Variants in NRXN3 observed in about 807,000 individuals in gnomAD.
The protein encoded by NRXN3 is neurexin III.
NRXN3 carries 32 observed loss-of-function variants against 137.6 expected under a neutral mutation model. That is an observed-to-expected ratio of 0.23 (90% CI 0.18 to 0.31). The LOEUF (loss-of-function observed/expected upper bound fraction) is 0.31, where lower values mean the gene tolerates loss of function less well. NRXN3 is among the 10% of genes least tolerant of loss of function. The pLI is 1.00. For synonymous variants in NRXN3, 798 were observed against 784.5 expected (o/e 1.02, Z -0.29); for missense variants, 1,574 against 2,062.5 (o/e 0.76, Z 4.59).
At chr14:78,756,356 C>A (rs2098668257) in intron 8 of NRXN3, among the ~76,000 whole-genome samples, 1 of 151,816 alleles carries the variant, frequency 6.6e-6, no homozygotes, top group Admixed American at 6.6e-5. Context: ...GGCATGGTGG[C>A]ATGCACCTGT....
intron 4 of NRXN3, among the ~76,000 whole-genome samples, chr14:78,560,371 A>T (rs1208338067): frequency 6.6e-6 from 1 of 152,224 alleles, no homozygotes; most frequent in Non-Finnish European, 1.5e-5. Flanking sequence ...AAATTTCCAG[A>T]ACTACAAACA....
intron 15 of NRXN3, among the ~76,000 whole-genome samples, chr14:79,071,253 C>CT (rs2099687304): frequency 1.3e-5 from 2 of 151,862 alleles, no homozygotes; most frequent in African/African-American, 4.8e-5. Context: ...TTCTATTATA[C>CT]TTTAAGTTCT....
intron 4 of NRXN3, among the ~76,000 whole-genome samples, chr14:78,342,589 A>G (rs564700621): frequency 3.0e-4 from 45 of 152,270 alleles, no homozygotes; most frequent in African/African-American, 1.1e-3. Flanking sequence ...TATTTTCTCA[A>G]TTTTACAGAC....
chr14:79,623,439 G>A (rs866727370), intron 16 of NRXN3, among the ~76,000 whole-genome samples: 22 of 152,110 alleles, frequency 1.4e-4, no homozygotes, highest in South Asian at 6.2e-4. Flanking sequence ...TAGACACTTC[G>A]TTTATCTACT....
chr14:79,100,912 A>G (rs944265053), intron 15 of NRXN3, among the ~76,000 whole-genome samples: 1 of 151,926 alleles, frequency 6.6e-6, no homozygotes, highest in Admixed American at 6.6e-5. Context: ...AAAACTAAAT[A>G]AAAAAAATAG....
At chr14:79,501,341 G>A (rs2096824402) in intron 16 of NRXN3, among the ~76,000 whole-genome samples, 1 of 152,034 alleles carries the variant, frequency 6.6e-6, no homozygotes, top group South Asian at 2.1e-4. Context: ...GAGGTATTCT[G>A]TGATGAAGAT....
chr14:79,366,173 A>T (rs1599242656), intron 15 of NRXN3, among the ~76,000 whole-genome samples: 1 of 152,074 alleles, frequency 6.6e-6, no homozygotes, highest in Admixed American at 6.6e-5. Context: ...AAAATTTAAA[A>T]TTTTTTAATT....
At chr14:79,241,917 A>C (rs765502225) in intron 15 of NRXN3, among the ~76,000 whole-genome samples, 8 of 151,910 alleles carry the variant, frequency 5.3e-5, no homozygotes, top group Non-Finnish European at 8.8e-5. Context: ...AAATACAAAA[A>C]TTATCCAGGC....
chr14:78,586,102 C>T (rs2097059505), intron 4 of NRXN3, among the ~76,000 whole-genome samples: 1 of 152,184 alleles, frequency 6.6e-6, no homozygotes, highest in Non-Finnish European at 1.5e-5. Flanking sequence ...TTAATTGGAA[C>T]CATTCATCTG....
chr14:78,268,629 C>T (rs73310356), intron 2 of NRXN3, among the ~76,000 whole-genome samples: 4 of 152,048 alleles, frequency 2.6e-5, no homozygotes, highest in Admixed American at 6.6e-5. Flanking sequence ...GGAAGGAAAA[C>T]GAGTTTGGAG....
At chr14:79,053,453 T>C (rs1259148682) in intron 15 of NRXN3, among the ~76,000 whole-genome samples, 1 of 152,168 alleles carries the variant, frequency 6.6e-6, no homozygotes, top group Non-Finnish European at 1.5e-5. Context: ...GATACTATAA[T>C]GCATTGAATA....
chr14:78,617,075 G>C (rs1267807829), intron 4 of NRXN3, among the ~76,000 whole-genome samples: 1 of 152,190 alleles, frequency 6.6e-6, no homozygotes, highest in African/African-American at 2.4e-5. Context: ...ACCAAATTCT[G>C]TTCTGAGTGA....
intron 16 of NRXN3, among the ~76,000 whole-genome samples, chr14:79,537,738 G>A (rs1163916714): frequency 3.3e-5 from 5 of 152,150 alleles, no homozygotes; most frequent in African/African-American, 1.2e-4. Context: ...TGTGAATAGT[G>A]CCGCAATAAA....
chr14:78,967,443 C>T, intron 13 of NRXN3, 45 bp downstream of exon 13: 2 of 1,396,148 alleles, frequency 1.4e-6, no homozygotes, highest in East Asian at 2.4e-5. Flanking sequence ...GCTTTTCTTA[C>T]AATAGATAGA....
chr14:78,404,265 C>T (rs1210541899), intron 4 of NRXN3, among the ~76,000 whole-genome samples: 2 of 149,638 alleles, frequency 1.3e-5, no homozygotes, highest in East Asian at 2.0e-4. Context: ...AACAGGGTTG[C>T]ATGTTGTCAA....
intron 4 of NRXN3, among the ~76,000 whole-genome samples, chr14:78,492,656 C>G (rs1425536886): frequency 6.6e-6 from 1 of 152,166 alleles, no homozygotes; most frequent in African/African-American, 2.4e-5. Context: ...TACAGATACA[C>G]TCTACTCCAG....
chr14:78,874,101 AG>A (rs879853448), intron 10 of NRXN3, among the ~76,000 whole-genome samples: 8 of 151,664 alleles, frequency 5.3e-5, no homozygotes, highest in South Asian at 2.1e-4. Context: ...CCTCGTGAGT[AG>A]CTGGGATTAC....
intron 15 of NRXN3, among the ~76,000 whole-genome samples, chr14:79,042,828 G>A (rs924693926): frequency 1.3e-5 from 2 of 152,054 alleles, no homozygotes; most frequent in Admixed American, 6.6e-5. Flanking sequence ...GGTATGGCCT[G>A]TCCTGCTGTC....
intron 8 of NRXN3, among the ~76,000 whole-genome samples, chr14:78,716,630 G>A (rs1191725523): frequency 6.6e-6 from 1 of 152,210 alleles, no homozygotes; most frequent in Non-Finnish European, 1.5e-5. Flanking sequence ...GATAGGTGAT[G>A]TGGATGGATC....
Sources: allele counts gnomAD v4.1 joint callset (sites outside exome capture counted in the v4.1 genomes callset), GRCh38; gene constraint gnomAD v4.1.1; transcripts MANE v1.5; gene names NCBI Gene and HGNC (gene_info 2026-07-23, HGNC 2026-07-21).